RAB5A: variants seen among roughly 807,000 people sequenced by gnomAD.
The protein encoded by RAB5A is ras-related protein Rab-5A.
In RAB5A, 8 loss-of-function variants were observed where a neutral mutation model predicts 25.7. The ratio of observed to expected loss-of-function variants is 0.31; its 90% CI spans 0.18 to 0.56. The LOEUF (loss-of-function observed/expected upper bound fraction) is 0.56. Ranked by LOEUF, RAB5A falls within the 20% of genes least tolerant of loss-of-function variation. The pLI is 0.91. For synonymous variants in RAB5A, 98 were observed against 89.8 expected (o/e 1.09, Z -0.52); for missense variants, 192 against 259.7 (o/e 0.74, Z 1.79).
chr3:19,963,673 C>G (rs1696623378), intron 2 of RAB5A, among the ~76,000 whole-genome samples: 1 of 152,046 alleles, frequency 6.6e-6, no homozygotes, highest in Admixed American at 6.6e-5. Context: ...GAGACAAGGT[C>G]TTCCTCTGTC....
At position 19,984,004 on chromosome 3, in the gene RAB5A, C is replaced by G. The variant is rs1696983747; in HGVS notation, c.*181C>G. The G allele has an allele frequency of 1.8e-6, 1 of 549,262 alleles. No homozygotes were observed. Among genetic ancestry groups the G allele is most frequent in the Admixed American group, 3.4e-5 (1 of 29,316 alleles). 34.0% of individuals were successfully genotyped at this position (549,262 alleles called of 1,614,324 possible). ...TAATTTTTAATAACATGCATGGGTC[C>G]CTCTCACTAATGTTTCAACAATAGG... On this transcript the variant is annotated 3_prime_UTR_variant, in exon 6 of 6. Coordinates refer to ENST00000273047, the MANE Select transcript of RAB5A (RefSeq NM_004162.5).
At chr3:19,960,274 TGA>T (rs1696566120) in intron 2 of RAB5A, among the ~76,000 whole-genome samples, 1 of 152,072 alleles carries the variant, frequency 6.6e-6, no homozygotes, top group South Asian at 2.1e-4. Flanking sequence ...TAAAGATGTG[TGA>T]GAGTAAGAAA....
chr3:19,976,772 A>T (rs1696830792), intron 4 of RAB5A, among the ~76,000 whole-genome samples: 1 of 152,126 alleles, frequency 6.6e-6, no homozygotes, highest in South Asian at 2.1e-4. Flanking sequence ...CATCCCACAC[A>T]TACTTTATGT....
At chr3:19,953,148 TA>T (rs1023801196) in intron 2 of RAB5A, among the ~76,000 whole-genome samples, 5 of 152,210 alleles carry the variant, frequency 3.3e-5, no homozygotes, top group Non-Finnish European at 7.3e-5. Context: ...TTAGAATTTT[TA>T]TCTTGTTTTG....
chr3:19,954,808 C>A (rs1696475651), intron 2 of RAB5A, among the ~76,000 whole-genome samples: 1 of 152,054 alleles, frequency 6.6e-6, no homozygotes, highest in Non-Finnish European at 1.5e-5. Context: ...ACAGTGAGAA[C>A]CCTGTCTCAA....
At chr3:19,960,294 A>G (rs1310065328) in intron 2 of RAB5A, among the ~76,000 whole-genome samples, 1 of 152,142 alleles carries the variant, frequency 6.6e-6, no homozygotes. Context: ...AAAAGCAATA[A>G]GAGTACTTCT....
chr3:19,953,897 T>C (rs1202865175), intron 2 of RAB5A, among the ~76,000 whole-genome samples: 2 of 152,254 alleles, frequency 1.3e-5, no homozygotes, highest in Non-Finnish European at 2.9e-5. Context: ...AGGTTTGAGC[T>C]ATTTCATGAT....
At chr3:19,962,637 G>A (rs1696603550) in intron 2 of RAB5A, among the ~76,000 whole-genome samples, 1 of 152,010 alleles carries the variant, frequency 6.6e-6, no homozygotes. Flanking sequence ...TTTCTTGGCT[G>A]TAACAGTATT....
At chr3:19,969,886 C>G (rs927612919) in intron 2 of RAB5A, among the ~76,000 whole-genome samples, 4 of 152,196 alleles carry the variant, frequency 2.6e-5, no homozygotes, top group African/African-American at 9.7e-5. Flanking sequence ...GCTCTGCAAC[C>G]TCTGCCTCCC....
At chr3:19,973,381 CTTT>C (rs34334260) in intron 2 of RAB5A, among the ~76,000 whole-genome samples, 3 of 143,816 alleles carry the variant, frequency 2.1e-5, no homozygotes, top group Non-Finnish European at 4.6e-5. Flanking sequence ...ATTTTAATTC[CTTT>C]TTTTTTTTTT....
At chr3:19,951,754 C>T (rs1696428056) in intron 2 of RAB5A, among the ~76,000 whole-genome samples, 1 of 129,118 alleles carries the variant, frequency 7.7e-6, no homozygotes, top group Non-Finnish European at 1.6e-5. Flanking sequence ...CCAGGTTGGT[C>T]TTGAACTCCT....
Position 19,950,827 on chromosome 3 carries a change from AG to A in RAB5A, c.-71del, listed in dbSNP as rs1282662554. 3 of 1,457,120 alleles carry A rather than the reference AG, an allele frequency of 2.1e-6. No homozygotes were observed. The highest frequency in any genetic ancestry group is 1.4e-5 in the African/African-American group (1 of 70,388). The allele number at this position is 1,457,120 out of a possible 1,614,324, so 90.3% of individuals were successfully genotyped here. A position where few individuals can be genotyped will look rare whatever the true frequency, so the allele number is the denominator to read the frequency against. On this transcript the variant is annotated 5_prime_UTR_variant, in exon 2 of 6. Transcript: ENST00000273047. ...ACAGGTTTCTTTACCTCCAGAAAGA[AG>A]AATATTGGCCCCTTGAATTCTGGAA...
intron 1 of RAB5A, among the ~76,000 whole-genome samples, chr3:19,949,542 T>C (rs1240064728): frequency 6.6e-6 from 1 of 152,162 alleles, no homozygotes; most frequent in Non-Finnish European, 1.5e-5. Context: ...AAATGAAATA[T>C]AGCAGGGTTT....
intron 2 of RAB5A, among the ~76,000 whole-genome samples, chr3:19,966,128 A>G (rs949650213): frequency 2.0e-5 from 3 of 152,172 alleles, no homozygotes; most frequent in Non-Finnish European, 4.4e-5. Context: ...TACTTTTAAC[A>G]TTGTTGTGTA....
rs1696412111 is a variant in RAB5A at position 19,950,866 on chromosome 3, G to A, written c.-33G>A. On this transcript the variant is annotated 5_prime_UTR_variant, in exon 2 of 6. Transcript: ENST00000273047. ...TTGAATTCTGGAAGTTCATTGAAGA[G>A]TCTGAAATTAGGGACTTATTTCAAA... The A allele has an allele frequency of 2.5e-6, 4 of 1,590,204 alleles. No homozygotes were observed. Among genetic ancestry groups the A allele is most frequent in the African/African-American group, 1.3e-5 (1 of 74,328 alleles).
intron 2 of RAB5A, 70 bp from the exon 3 acceptor site, chr3:19,975,531 G>C (rs779489579): frequency 3.5e-4 from 506 of 1,449,834 alleles, no homozygotes; most frequent in Non-Finnish European, 4.0e-4. Context: ...ATGTATACAA[G>C]CAGGTGTTTT....
At chr3:19,974,549 A>C (rs1425033566) in intron 2 of RAB5A, among the ~76,000 whole-genome samples, 2 of 152,092 alleles carry the variant, frequency 1.3e-5, no homozygotes, top group Non-Finnish European at 2.9e-5. Context: ...GCAAATATTG[A>C]ATCAACTGAA....
intron 2 of RAB5A, among the ~76,000 whole-genome samples, chr3:19,955,713 A>C (rs1244723375): frequency 6.6e-6 from 1 of 152,108 alleles, no homozygotes; most frequent in African/African-American, 2.4e-5. Context: ...CAATGTGATG[A>C]AACCCTGTCT....
chr3:19,948,432 G>A (rs1487297372), intron 1 of RAB5A, among the ~76,000 whole-genome samples: 1 of 152,186 alleles, frequency 6.6e-6, no homozygotes, highest in Non-Finnish European at 1.5e-5. Flanking sequence ...ATGGAACAGT[G>A]CCTGGCACAA....
Sources: allele counts gnomAD v4.1 joint callset (sites outside exome capture counted in the v4.1 genomes callset), GRCh38; gene constraint gnomAD v4.1.1; transcripts MANE v1.5; gene names NCBI Gene and HGNC (gene_info 2026-07-23, HGNC 2026-07-21).